The following IL17RC variants were observed in gnomAD, a reference collection of about 807,000 sequenced individuals.
IL17RC encodes the protein interleukin 17 receptor C.
In IL17RC, 53 loss-of-function variants were observed where a neutral mutation model predicts 86.7. That is an observed-to-expected ratio of 0.61 (90% CI 0.49 to 0.77). The LOEUF (loss-of-function observed/expected upper bound fraction) is 0.77, where lower values mean the gene tolerates loss of function less well. Among genes scored for constraint, IL17RC ranks in the 30% least tolerant of loss-of-function variants. IL17RC has a pLI of 0.00. For missense variants in IL17RC, 957 were observed against 940.0 expected, an observed-to-expected ratio of 1.02 and a Z score of -0.24; for synonymous variants, 439 against 413.1, an observed-to-expected ratio of 1.06 and a Z score of -0.76.
chr3:9,917,345 G>A lies in IL17RC; in HGVS notation c.30G>A (p.Leu10=). The A allele has an allele frequency of 1.9e-6, 3 of 1,614,036 alleles. No homozygotes were observed. The highest frequency in any genetic ancestry group is 2.5e-6 in the Non-Finnish European group (3 of 1,179,986). ...CTGTGCCCTGGTTCTTGCTGTCCTTGGCACTGGGCCGAAGCCCAGTGGTCC... is the reference window on the plus strand; with the variant it reads ...CTGTGCCCTGGTTCTTGCTGTCCTTAGCACTGGGCCGAAGCCCAGTGGTCC... MPVPWFLLS[L]ALGRSPVVLS... The change falls in exon 1 of 19, where the codon TTG becomes TTA. Residue 10 remains leucine, a synonymous_variant. Transcript: ENST00000403601.
At chr3:9,921,529 T>C (rs969239347) in intron 7 of IL17RC, among the ~76,000 whole-genome samples, 2 of 152,178 alleles carry the variant, frequency 1.3e-5, no homozygotes, top group Non-Finnish European at 2.9e-5. Flanking sequence ...CTAACTTTTT[T>C]CCCACGTACT....
intron 9 of IL17RC, 80 bp from the exon 10 acceptor site, chr3:9,928,086 G>A: frequency 7.6e-7 from 1 of 1,316,996 alleles, no homozygotes; most frequent in Non-Finnish European, 1.1e-6. Flanking sequence ...CCTGCTGAAT[G>A]AGTGCATCCC....
rs1288035791 is a variant in IL17RC, at chr3:9,920,538, A to G, written c.513A>G (p.Val171=). ...DCFEAALGSE[V]RIWSYTQPRY... The stretch of plus-strand genomic sequence containing the variant: ...TCGAGGCTGCCCTAGGGAGTGAGGT[A>G]CGAATCTGGTCCTATACTCAGCCCA... Residue 171 remains valine (V), a synonymous_variant, in exon 6 of 19, where the codon GTA becomes GTG. Coordinates refer to ENST00000403601, the MANE Select transcript of IL17RC (RefSeq NM_153460.4). The G allele has an allele frequency of 6.2e-7, 1 of 1,608,380 alleles. No individual in the cohort carries two copies. The highest frequency in any genetic ancestry group is 1.3e-5 in the African/African-American group (1 of 74,878).
Position 9,932,836 on chromosome 3 carries a change from G to C in IL17RC, c.1500G>C (p.Leu500Phe), listed in dbSNP as rs2084893151. ...CCCTAACAGGGTGGCTGAGGCTCTT[G>C]AAACAGGACGTCCGCTCGGGGGGTG... is the stretch of plus-strand genomic sequence containing the variant. ...KDHAKGWLRL[L>F]KQDVRSGAAA... is the part of the protein sequence containing the mutation. The change falls in exon 18 of 19, where the codon TTG becomes TTC. Residue 500 changes from leucine to phenylalanine, a missense_variant. By Grantham distance (22) the Leu-to-Phe change is conservative. Transcript: ENST00000403601. 1 of 1,562,098 alleles carries C rather than the reference G, an allele frequency of 6.4e-7. No individual in the cohort carries two copies. The highest frequency in any genetic ancestry group is 8.6e-7 in the Non-Finnish European group (1 of 1,158,888).
intron 3 of IL17RC, 76 bp downstream of exon 3, chr3:9,918,151 C>T: frequency 1.4e-6 from 2 of 1,479,226 alleles, no homozygotes; most frequent in Non-Finnish European, 1.8e-6. Flanking sequence ...CAGGGGATCT[C>T]TCAAGCAGTG....
In IL17RC at chr3:9,918,540, C is replaced by G. The variant is rs986915838; in HGVS notation, c.396C>G (p.Tyr132Ter). 3 of 1,614,066 alleles carry G rather than the reference C, an allele frequency of 1.9e-6. No individual in the cohort carries two copies. Among genetic ancestry groups the G allele is most frequent in the African/African-American group, 2.7e-5 (2 of 74,930 alleles). ...AAGTCGTGCTCTCCTTCCAGGCCTA[C>G]CCTACTGCCCGCTGCGTCCTGCTGG... ...QAQVVLSFQA[Y>*]PTARCVLLEV... Residue 132 changes from tyrosine to a stop codon, truncating the protein, a stop_gained, in exon 5 of 19, where the codon TAC becomes TAG. Coordinates refer to ENST00000403601, the MANE Select transcript of IL17RC (RefSeq NM_153460.4). LOFTEE classifies it high-confidence loss of function.
intron 9 of IL17RC, among the ~76,000 whole-genome samples, chr3:9,927,504 G>T (rs2084195390): frequency 6.6e-6 from 1 of 152,168 alleles, no homozygotes; most frequent in African/African-American, 2.4e-5. Context: ...GTTGTGGTGA[G>T]CTGAGATCAC....
At chr3:9,917,850 T>G (rs765219755) in intron 2 of IL17RC, 73 bp from the exon 3 acceptor site, 24 of 1,609,866 alleles carry the variant, frequency 1.5e-5, no homozygotes, top group Non-Finnish European at 2.0e-5. Context: ...TCTTTGGCTC[T>G]CTGGGTATGT....
chr3:9,922,859 G>A (rs2125181097), intron 7 of IL17RC, among the ~76,000 whole-genome samples: 1 of 152,194 alleles, frequency 6.6e-6, no homozygotes, highest in Admixed American at 6.5e-5. Context: ...TGGGGTGGGA[G>A]TATGTCAGGG....
In IL17RC at chr3:9,928,602, T is replaced by G. The variant is rs1454489786; in HGVS notation, c.1082T>G (p.Leu361Arg). 16 of 1,613,652 alleles carry G rather than the reference T, an allele frequency of 9.9e-6. No homozygotes were observed. Among genetic ancestry groups the G allele is most frequent in the Non-Finnish European group, 1.4e-5 (16 of 1,180,024 alleles). The change falls in exon 12 of 19, where the codon CTG (leucine) becomes CGG (arginine). Residue 361 changes from leucine (L) to arginine (R), a missense_variant. Leu to Arg is a moderately radical substitution (Grantham distance 102). Coordinates refer to ENST00000403601, the MANE Select transcript of IL17RC (RefSeq NM_153460.4). ...CAGAAGGTTCTCGAGTTCCCATTGCTGAAAGGCCACCCTAACCTCTGTGTT... is the reference window on the plus strand; with the variant it reads ...CAGAAGGTTCTCGAGTTCCCATTGCGGAAAGGCCACCCTAACCTCTGTGTT... ...TVDKVLEFPL[L>R]KGHPNLCVQV...
At chr3:9,932,574 T>C in intron 16 of IL17RC, 34 bp from the exon 17 acceptor site, 1 of 1,582,752 alleles carries the variant, frequency 6.3e-7, no homozygotes, top group Non-Finnish European at 8.7e-7. Flanking sequence ...CTGTGGAGGG[T>C]AAGTTTCTAA....
intron 9 of IL17RC, among the ~76,000 whole-genome samples, chr3:9,927,805 C>T (rs539793009): frequency 2.2e-4 from 34 of 152,030 alleles, no homozygotes; most frequent in Non-Finnish European, 4.3e-4. Context: ...ACCAGTTAGC[C>T]GGCCGTTGTG....
chr3:9,931,453 T>TCA lies in IL17RC; in HGVS notation c.1387+527_1387+528dup, dbSNP rs201407577. The stretch of plus-strand genomic sequence containing the variant: ...AGCTACGATCAAATTTTTATATATT[T>TCA]CACACACACACACACACATATATAT... On this transcript the variant is annotated intron_variant, in intron 16 of 18. Coordinates refer to ENST00000403601, the MANE Select transcript of IL17RC (RefSeq NM_153460.4). 3.9e-3 allele frequency among the ~76,000 whole-genome samples: 175 copies of TCA among 44,880 alleles called. 1 individual carries two copies. Among genetic ancestry groups the TCA allele is most frequent in the African/African-American group, 6.4e-3 (124 of 19,334 alleles). 29.4% of individuals were successfully genotyped at this position (44,880 alleles called of 152,430 possible). A position where few individuals can be genotyped will look rare whatever the true frequency, so the allele number is the denominator to read the frequency against.
chr3:9,918,684 G>A, intron 5 of IL17RC, 75 bp downstream of exon 5: 1 of 987,018 alleles, frequency 1.0e-6, no homozygotes, highest in Admixed American at 1.8e-5. Flanking sequence ...TCTCTTTGAG[G>A]ATTACAAAAG....
At chr3:9,927,823 C>T (rs1276197965) in intron 9 of IL17RC, among the ~76,000 whole-genome samples, 2 of 152,052 alleles carry the variant, frequency 1.3e-5, no homozygotes, top group Non-Finnish European at 2.9e-5. Flanking sequence ...GTGGCATGTT[C>T]CTGTAATCGC....
intron 9 of IL17RC, among the ~76,000 whole-genome samples, 172 bp downstream of exon 9, chr3:9,924,463 T>C (rs1328150404): frequency 6.6e-6 from 1 of 152,192 alleles, no homozygotes; most frequent in Non-Finnish European, 1.5e-5. Flanking sequence ...CTTCTGTCTA[T>C]TACATTCCCT....
intron 16 of IL17RC, among the ~76,000 whole-genome samples, chr3:9,931,237 G>A (rs963120766): frequency 6.6e-6 from 1 of 151,968 alleles, no homozygotes; most frequent in Non-Finnish European, 1.5e-5. Context: ...TGCTGTAAAT[G>A]CATACAATGT....
At position 9,930,822 on chromosome 3, in the gene IL17RC, A is replaced by G; in HGVS notation, c.1339-73A>G. 1 of 1,337,836 alleles carries G rather than the reference A, an allele frequency of 7.5e-7. No individual in the cohort carries two copies. The highest frequency in any genetic ancestry group is 1.1e-6 in the Non-Finnish European group (1 of 928,304). The allele number at this position is 1,337,836 out of a possible 1,614,324, so 82.9% of individuals were successfully genotyped here. ...AGTTGATGCTGGGAATTTGGAGATC[A>G]GGCCACCAGAGCTTGGTGAATATTG... On this transcript the variant is annotated intron_variant, in intron 15 of 18. Coordinates refer to ENST00000403601, the MANE Select transcript of IL17RC (RefSeq NM_153460.4). This position sits in a 1 kb window ranked among gnomAD's most constrained non-coding sequence, Gnocchi z 5.8.
chr3:9,923,527 G>T (rs1031855087), intron 7 of IL17RC, among the ~76,000 whole-genome samples: 1 of 151,774 alleles, frequency 6.6e-6, no homozygotes, highest in African/African-American at 2.4e-5. Flanking sequence ...TCCAGCCTGG[G>T]CAACAGAGCA....
Sources: allele counts gnomAD v4.1 joint callset (sites outside exome capture counted in the v4.1 genomes callset), GRCh38; gene constraint gnomAD v4.1.1; non-coding constraint Gnocchi (gnomAD v3.1); transcripts MANE v1.5; gene names NCBI Gene and HGNC (gene_info 2026-07-23, HGNC 2026-07-21).